The following FOXO3 variants were observed in gnomAD, a reference collection of about 807,000 sequenced individuals.
FOXO3 encodes forkhead box O3.
FOXO3 carries 4 observed loss-of-function variants against 41.9 expected under a neutral mutation model. The observed-to-expected ratio is 0.10, with a 90% CI of 0.05 to 0.22. The LOEUF (loss-of-function observed/expected upper bound fraction) is 0.22. FOXO3 is among the 10% of genes least tolerant of loss of function. The pLI is 1.00. For missense variants in FOXO3, 534 were observed against 906.8 expected (o/e 0.59, Z 5.28); for synonymous variants, 318 against 389.3 (o/e 0.82, Z 2.16).
At chr6:108,585,725 T>TA (rs1206623418) in intron 1 of FOXO3, among the ~76,000 whole-genome samples, 1 of 152,174 alleles carries the variant, frequency 6.6e-6, no homozygotes. Context: ...TAGGGTGCCT[T>TA]AGGAAAAGGT....
intron 2 of FOXO3, among the ~76,000 whole-genome samples, chr6:108,678,869 CTTT>C (rs1156923290): frequency 0.017 from 945 of 54,988 alleles, 9 homozygotes; most frequent in African/African-American, 0.041. Context: ...TTCTTAAATT[CTTT>C]TTTTTTTTTT....
intron 2 of FOXO3, among the ~76,000 whole-genome samples, chr6:108,672,727 C>G (rs1025212568): frequency 6.6e-6 from 1 of 152,164 alleles, no homozygotes; most frequent in Admixed American, 6.5e-5. Flanking sequence ...CCCTCCCTCT[C>G]CCTCTCCCTG....
chr6:108,672,377 GA>G (rs1197621649), intron 2 of FOXO3, among the ~76,000 whole-genome samples: 1 of 151,890 alleles, frequency 6.6e-6, no homozygotes, highest in East Asian at 1.9e-4. Context: ...TGAAAACCCA[GA>G]AAAAAAATAG....
chr6:108,637,731 C>T (rs138060943), intron 1 of FOXO3, among the ~76,000 whole-genome samples: 2 of 152,076 alleles, frequency 1.3e-5, no homozygotes, highest in African/African-American at 4.8e-5. Flanking sequence ...CCTCTTCCCC[C>T]TTTTGGTCTC....
chr6:108,584,166 G>T (rs1435888895), intron 1 of FOXO3, among the ~76,000 whole-genome samples: 1 of 152,204 alleles, frequency 6.6e-6, no homozygotes, highest in African/African-American at 2.4e-5. Context: ...ATTGCTTCTG[G>T]TGAGTCTGCA....
rs1770205510 is a variant in FOXO3 at position 108,561,793 on chromosome 6, G to A, written c.585G>A (p.Lys195=). The A allele has an allele frequency of 3.8e-6, 6 of 1,595,914 alleles. No homozygotes were observed. Among genetic ancestry groups the A allele is most frequent in the Admixed American group, 1.7e-5 (1 of 58,056 alleles). ...TGGTGCGTTGCGTGCCCTACTTCAA[G>A]GATAAGGGCGACAGCAACAGCTCTG... The part of the protein sequence containing the change: ...EWMVRCVPYF[K]DKGDSNSSAG... The change falls in exon 1 of 3, where the codon AAG becomes AAA. Residue 195 remains lysine (K), a synonymous_variant. Transcript: ENST00000406360.
rs1004521147 is a variant in FOXO3 at position 108,651,166 on chromosome 6, C to T, written c.622-12289C>T. On this transcript the variant is annotated intron_variant, in intron 1 of 2. Coordinates refer to ENST00000406360, the MANE Select transcript of FOXO3 (RefSeq NM_001455.4). ...TTGACTGCATCGTACTCTTTATTTC[C>T]GTACAGAAAATATACATCAATTGTT... Among the ~76,000 whole-genome samples, 5 of 152,274 alleles carry T rather than the reference C, an allele frequency of 3.3e-5. No individual in the cohort carries two copies. The East Asian group carries it at 9.6e-4, about 29-fold the overall frequency.
Position 108,647,946 on chromosome 6 carries a change from G to A in FOXO3, c.622-15509G>A, listed in dbSNP as rs569175977. On this transcript the variant is annotated intron_variant, in intron 1 of 2. Transcript: ENST00000406360. ...TGCCTAGTCCATTTTCCTTCACAGAGATCTAAAGCTACTAAATACTGTCAG... is the reference window on the plus strand; with the variant it reads ...TGCCTAGTCCATTTTCCTTCACAGAAATCTAAAGCTACTAAATACTGTCAG... 3.9e-5 allele frequency among the ~76,000 whole-genome samples: 6 copies of A among 152,252 alleles called. No individual in the cohort carries two copies. In the South Asian group the frequency reaches 1.2e-3, roughly 32 times the overall value.
intron 1 of FOXO3, among the ~76,000 whole-genome samples, chr6:108,640,386 T>A (rs1200903358): frequency 6.6e-6 from 1 of 152,222 alleles, no homozygotes; most frequent in East Asian, 1.9e-4. Context: ...CCATGTAGTT[T>A]ACTAACGTCA....
chr6:108,625,857 T>A (rs1777801436), intron 1 of FOXO3, among the ~76,000 whole-genome samples: 1 of 152,206 alleles, frequency 6.6e-6, no homozygotes. Flanking sequence ...ATTAGTAGGG[T>A]GCCTCCCACC....
intron 1 of FOXO3, among the ~76,000 whole-genome samples, chr6:108,628,907 TA>T (rs966045930): frequency 2.0e-5 from 3 of 152,042 alleles, no homozygotes; most frequent in Admixed American, 6.6e-5. Context: ...CTTCTGGAGT[TA>T]AGATGAAGGC....
intron 2 of FOXO3, among the ~76,000 whole-genome samples, chr6:108,676,075 T>C (rs1022527023): frequency 1.3e-5 from 2 of 152,232 alleles, no homozygotes; most frequent in African/African-American, 4.8e-5. Flanking sequence ...AGAGACCAGA[T>C]GACAGCATCC....
At chr6:108,673,622 C>T (rs772160078) in intron 2 of FOXO3, among the ~76,000 whole-genome samples, 4 of 152,214 alleles carry the variant, frequency 2.6e-5, no homozygotes, top group Non-Finnish European at 5.9e-5. Flanking sequence ...AGGAAAAGAG[C>T]GCTTTAGAGA....
chr6:108,600,127 G>A (rs748621042), intron 1 of FOXO3, among the ~76,000 whole-genome samples: 4 of 152,132 alleles, frequency 2.6e-5, no homozygotes, highest in South Asian at 4.1e-4. Flanking sequence ...GGCTGACCGC[G>A]AGGAAAAAGA....
chr6:108,625,237 A>C (rs1582791403), intron 1 of FOXO3, among the ~76,000 whole-genome samples: 1 of 152,210 alleles, frequency 6.6e-6, no homozygotes, highest in East Asian at 1.9e-4. Context: ...TTATGTTTTT[A>C]TCTTAATAAT....
At chr6:108,633,126 A>C (rs1778020987) in intron 1 of FOXO3, among the ~76,000 whole-genome samples, 1 of 152,244 alleles carries the variant, frequency 6.6e-6, no homozygotes, top group Admixed American at 6.5e-5. Context: ...GGTATATTTT[A>C]GCATTGAGCA....
At chr6:108,616,901 GT>G (rs978783839) in intron 1 of FOXO3, among the ~76,000 whole-genome samples, 1 of 152,148 alleles carries the variant, frequency 6.6e-6, no homozygotes, top group African/African-American at 2.4e-5. Flanking sequence ...TACTTTGTGA[GT>G]GCCTTCTTTC....
At chr6:108,674,962 C>T (rs532244174) in intron 2 of FOXO3, among the ~76,000 whole-genome samples, 20 of 152,208 alleles carry the variant, frequency 1.3e-4, no homozygotes, top group African/African-American at 3.4e-4. Context: ...TAAGAAAATA[C>T]TAAATCTCTG....
intron 1 of FOXO3, among the ~76,000 whole-genome samples, chr6:108,614,187 G>T (rs1413327428): frequency 6.6e-6 from 1 of 151,922 alleles, no homozygotes; most frequent in South Asian, 2.1e-4. Flanking sequence ...TGCTGTTTTG[G>T]GTGATTTGTT....
Sources: gnomAD v4.1 joint callset for allele counts (sites outside exome capture counted in the v4.1 genomes callset) on GRCh38, gnomAD v4.1.1 for gene constraint, MANE v1.5 for transcripts, NCBI Gene and HGNC (gene_info 2026-07-23, HGNC 2026-07-21) for gene names.